The following ZNF547 variants were observed in gnomAD, a reference collection of about 807,000 sequenced individuals.
The protein encoded by ZNF547 is zinc finger protein 547.
Under a neutral mutation model 7.7 loss-of-function variants are expected in ZNF547, and 4 were observed. The ratio of observed to expected loss-of-function variants is 0.52; its 90% CI spans 0.26 to 1.20. The LOEUF (loss-of-function observed/expected upper bound fraction) is 1.20, where lower values mean the gene tolerates loss of function less well. ZNF547 is among the 50% of genes most tolerant of loss of function. The probability of loss-of-function intolerance (pLI) is 0.14; values close to 1 mark genes in which losing one functional copy is unlikely to be tolerated. For synonymous variants in ZNF547, 166 were observed against 166.2 expected (o/e 1.00, Z 0.01); for missense variants, 449 against 485.8 (o/e 0.92, Z 0.71).
At position 57,379,222 on chromosome 19, in the gene ZNF547, T is replaced by C. The variant is rs1450411264; in HGVS notation, c.*1037T>C. On this transcript the variant is annotated 3_prime_UTR_variant, in exon 4 of 4. Transcript: ENST00000282282. ...GTGGAACTGCTGGATCACATGGTACTTCTAACTTTAATTCTTTGATGAACT... is the reference window on the plus strand; with the variant it reads ...GTGGAACTGCTGGATCACATGGTACCTCTAACTTTAATTCTTTGATGAACT... The C allele has an allele frequency of 1.3e-5, 2 of 152,284 alleles. No homozygotes were observed. Among genetic ancestry groups the C allele is most frequent in the African/African-American group, 2.4e-5 (1 of 41,466 alleles). The allele number at this position is 152,284 out of a possible 1,614,324, so 9.4% of individuals were successfully genotyped here.
In ZNF547 at chr19:57,378,234, A is replaced by AT; in HGVS notation, c.*51dup. 1.3e-6 allele frequency: 2 copies of AT among 1,529,016 alleles called. No homozygotes were observed. Among genetic ancestry groups the AT allele is most frequent in the Non-Finnish European group, 1.8e-6 (2 of 1,123,864 alleles). The allele number at this position is 1,529,016 out of a possible 1,614,324, so 94.7% of individuals were successfully genotyped here. On this transcript the variant is annotated 3_prime_UTR_variant, in exon 4 of 4. Coordinates refer to ENST00000282282, the MANE Select transcript of ZNF547 (RefSeq NM_173631.4). ...TGGGAAAGCCTTCAGTCACCAACATATTGTGGCTGGACAGCAGGCAGTACA... is the reference window on the plus strand; with the variant it reads ...TGGGAAAGCCTTCAGTCACCAACATATTTGTGGCTGGACAGCAGGCAGTACA...
chr19:57,371,270 A>G (rs759508582), intron 2 of ZNF547, among the ~76,000 whole-genome samples: 2 of 152,138 alleles, frequency 1.3e-5, no homozygotes, highest in African/African-American at 2.4e-5. Flanking sequence ...GTTTTAATTT[A>G]TGGATGTGAG....
intron 1 of ZNF547, chr19:57,365,142 TG>T: frequency 1.2e-6 from 2 of 1,601,700 alleles, no homozygotes; most frequent in Non-Finnish European, 1.7e-6. Flanking sequence ...CTGATGTTTA[TG>T]ATTTATATAT....
At chr19:57,375,661 CAAAAAAAAAAAAAAAAAA>C (rs67290425) in intron 3 of ZNF547, among the ~76,000 whole-genome samples, 37,778 of 93,858 alleles carry the variant, frequency 0.4, 5,591 homozygotes, top group African/African-American at 0.46. Context: ...GAGTTTGTCT[CAAAAAAAAAAAAAAAAAA>C]AAAAAAAAGA....
At position 57,369,967 on chromosome 19, in the gene ZNF547, A is replaced by G. The variant is rs537614695; in HGVS notation, c.24+1388A>G. Among the ~76,000 whole-genome samples the G allele has an allele frequency of 4.2e-3, 526 of 126,178 alleles. 1 individual carries two copies. The highest frequency in any genetic ancestry group is 0.016 in the African/African-American group (498 of 31,780). 82.8% of individuals were successfully genotyped at this position (126,178 alleles called of 152,430 possible). A position where few individuals can be genotyped will look rare whatever the true frequency, so the allele number is the denominator to read the frequency against. On this transcript the variant is annotated intron_variant, in intron 2 of 3. Transcript: ENST00000282282. ...GAGTGCAGTGGCACAATCTCGGCTC[A>G]CTGCAATCTCTCCCTGCCAGGTTCA...
chr19:57,371,866 C>T lies in ZNF547; in HGVS notation c.109C>T (p.Arg37Cys), dbSNP rs539742345. The change falls in exon 3 of 4, where the codon CGT (arginine) becomes TGT (cysteine). Residue 37 changes from arginine (R) to cysteine (C), a missense_variant. Coordinates refer to ENST00000282282, the MANE Select transcript of ZNF547 (RefSeq NM_173631.4). ...CGATGAGGCTCAGAGATTGCTGTAC[C>T]GTGATGTGATGCTGGAGAATTTGGC... ...HLDEAQRLLYRDVMLENLALL... is the reference protein window; with the variant it reads ...HLDEAQRLLYCDVMLENLALL... 45 of 1,613,196 alleles carry T rather than the reference C, an allele frequency of 2.8e-5. No homozygotes were observed. Among genetic ancestry groups the T allele is most frequent in the South Asian group, 1.1e-4 (10 of 91,010 alleles).
At chr19:57,366,529 G>T (rs1482032532) in intron 1 of ZNF547, among the ~76,000 whole-genome samples, 1 of 144,958 alleles carries the variant, frequency 6.9e-6, no homozygotes, top group Admixed American at 7.1e-5. Context: ...CTTTCGACTT[G>T]CCCAATTCAG....
intron 3 of ZNF547, among the ~76,000 whole-genome samples, 181 bp from the exon 4 acceptor site, chr19:57,376,947 C>T (rs777929490): frequency 6.6e-6 from 1 of 152,152 alleles, no homozygotes; most frequent in Non-Finnish European, 1.5e-5. Context: ...GTGCTGAAAC[C>T]GTTGTCATGG....
chr19:57,379,272 A>C lies in ZNF547; in HGVS notation c.*1087A>C, dbSNP rs1373087752. 6.6e-6 allele frequency: 1 copy of C among 152,258 alleles called. No homozygotes were observed. The highest frequency in any genetic ancestry group is 1.5e-5 in the Non-Finnish European group (1 of 68,084). The allele number at this position is 152,258 out of a possible 1,614,324, so 9.4% of individuals were successfully genotyped here. On this transcript the variant is annotated 3_prime_UTR_variant, in exon 4 of 4. Transcript: ENST00000282282. The stretch of plus-strand genomic sequence containing the variant: ...TGAGAAACTTTTCCATAAAACTTGC[A>C]CCGTTTTACATTCCTAACATTCCAC...
Position 57,379,038 on chromosome 19 carries a change from A to T in ZNF547, c.*853A>T, listed in dbSNP as rs2088557934. The stretch of plus-strand genomic sequence containing the variant: ...AAATTTTAAGGCTGAGCAATATTTC[A>T]TTGTTTGCATTTACCACATTTCCTT... On this transcript the variant is annotated 3_prime_UTR_variant, in exon 4 of 4. Coordinates refer to ENST00000282282, the MANE Select transcript of ZNF547 (RefSeq NM_173631.4). 5.7e-6 allele frequency: 1 copy of T among 175,850 alleles called. No individual in the cohort carries two copies. Among genetic ancestry groups the T allele is most frequent in the Non-Finnish European group, 1.2e-5 (1 of 82,712 alleles). 10.9% of individuals were successfully genotyped at this position (175,850 alleles called of 1,614,324 possible).
At chr19:57,366,446 G>T (rs1379000534) in intron 1 of ZNF547, among the ~76,000 whole-genome samples, 1 of 151,006 alleles carries the variant, frequency 6.6e-6, no homozygotes, top group Non-Finnish European at 1.5e-5. Context: ...CTGACCTCAG[G>T]TTATCTGCCT....
intron 3 of ZNF547, among the ~76,000 whole-genome samples, chr19:57,376,321 C>T (rs571822818): frequency 1.3e-4 from 20 of 152,178 alleles, no homozygotes; most frequent in African/African-American, 4.3e-4. Context: ...TGGGTGGGGA[C>T]GCAGAGCCTA....
chr19:57,370,098 G>A (rs1229527831), intron 2 of ZNF547, among the ~76,000 whole-genome samples: 2 of 151,814 alleles, frequency 1.3e-5, no homozygotes, highest in African/African-American at 4.8e-5. Context: ...TCACCATGTT[G>A]GCCAGGATGG....
chr19:57,365,036 A>G (rs745505911), intron 1 of ZNF547: 2 of 1,612,298 alleles, frequency 1.2e-6, no homozygotes, highest in Non-Finnish European at 1.7e-6. Flanking sequence ...GACAAGTTCA[A>G]CGAGTGGTTT....
intron 3 of ZNF547, among the ~76,000 whole-genome samples, chr19:57,374,559 C>T (rs1209352791): frequency 6.6e-6 from 1 of 152,262 alleles, no homozygotes; most frequent in African/African-American, 2.4e-5. Context: ...TTGAATTTCT[C>T]CCCAGAAAAC....
intron 3 of ZNF547, among the ~76,000 whole-genome samples, chr19:57,376,162 CAAAAT>C: frequency 6.6e-6 from 1 of 152,092 alleles, no homozygotes; most frequent in Admixed American, 6.5e-5. Context: ...GACTCAGTCT[CAAAAT>C]AAATAAATAA....
At chr19:57,377,096 C>G (rs2088540212) in intron 3 of ZNF547, 32 bp from the exon 4 acceptor site, 1 of 1,589,816 alleles carries the variant, frequency 6.3e-7, no homozygotes, top group South Asian at 1.1e-5. Flanking sequence ...TCACAGTCAA[C>G]ATGCACCTCA....
chr19:57,377,929 A>T lies in ZNF547; in HGVS notation c.953A>T (p.His318Leu). ...ACACTCAGTAGACATCAGAGAGTTC[A>T]CACTGGAGAAAGGCCTTATGAGTGC... ...RSTLSRHQRV[H>L]TGERPYECNE... Residue 318 changes from histidine to leucine, a missense_variant, in exon 4 of 4, where the codon CAC becomes CTC. His to Leu is a moderately conservative substitution (Grantham distance 99). Coordinates refer to ENST00000282282, the MANE Select transcript of ZNF547 (RefSeq NM_173631.4). 1 of 1,614,186 alleles carries T rather than the reference A, an allele frequency of 6.2e-7. No homozygotes were observed. Among genetic ancestry groups the T allele is most frequent in the African/African-American group, 1.3e-5 (1 of 75,032 alleles).
In ZNF547 at chr19:57,377,342, C is replaced by T; in HGVS notation, c.366C>T (p.His122=). The T allele has an allele frequency of 6.2e-7, 1 of 1,614,208 alleles. No homozygotes were observed. The highest frequency in any genetic ancestry group is 8.5e-7 in the Non-Finnish European group (1 of 1,180,050). The stretch of plus-strand genomic sequence containing the variant: ...TGTACACGTGTCCAGCACATCTTCA[C>T]CAGCACCAAAAGGAGCAGATTAGAG... ...QGLYTCPAHL[H]QHQKEQIREK... is the part of the protein sequence containing the mutation. Residue 122 remains histidine, a synonymous_variant, in exon 4 of 4, where the codon CAC becomes CAT. Coordinates refer to ENST00000282282, the MANE Select transcript of ZNF547 (RefSeq NM_173631.4).
Sources: allele counts gnomAD v4.1 joint callset (sites outside exome capture counted in the v4.1 genomes callset), GRCh38; gene constraint gnomAD v4.1.1; transcripts MANE v1.5; gene names NCBI Gene and HGNC (gene_info 2026-07-23, HGNC 2026-07-21).